Variants in LPP observed in about 807,000 individuals in gnomAD.
LPP encodes LIM domain containing preferred translocation partner in lipoma.
A neutral mutation model predicts 60.4 loss-of-function variants in LPP; 38 were observed. The observed-to-expected ratio is 0.63, with a 90% CI of 0.49 to 0.83. The LOEUF (loss-of-function observed/expected upper bound fraction) is 0.83, where lower values mean the gene tolerates loss of function less well. Among genes scored for constraint, LPP ranks in the 40% least tolerant of loss-of-function variants. The pLI is 0.00. For missense variants in LPP, 902 were observed against 783.6 expected (o/e 1.15, Z -1.80); for synonymous variants, 328 against 290.8 (o/e 1.13, Z -1.30).
intron 4 of LPP, among the ~76,000 whole-genome samples, chr3:188,412,620 G>A (rs1010906581): frequency 3.9e-5 from 6 of 152,106 alleles, no homozygotes; most frequent in African/African-American, 1.2e-4. Context: ...AAATGCTTTC[G>A]TTTATTAAAG....
rs1357901643 is a variant in LPP at position 188,875,892 on chromosome 3, A to G, written c.*1413A>G. The G allele has an allele frequency of 1.1e-5, 2 of 188,116 alleles. No homozygotes were observed. Among genetic ancestry groups the G allele is most frequent in the Non-Finnish European group, 2.2e-5 (2 of 89,098 alleles). 11.7% of individuals were successfully genotyped at this position (188,116 alleles called of 1,614,324 possible). ...ATGGCAAGTTGCCATTTTGTAAACTAAGGATTTTGGACTGAGATTTCTTAA... is the reference window on the plus strand; with the variant it reads ...ATGGCAAGTTGCCATTTTGTAAACTGAGGATTTTGGACTGAGATTTCTTAA... On this transcript the variant is annotated 3_prime_UTR_variant, in exon 12 of 12. Transcript: ENST00000617246.
chr3:188,527,280 G>A (rs1048194706), intron 6 of LPP, among the ~76,000 whole-genome samples: 3 of 150,074 alleles, frequency 2.0e-5, no homozygotes, highest in Admixed American at 1.3e-4. Context: ...AACCCGGGAG[G>A]CGGAGGTTTC....
chr3:188,306,885 C>G (rs779072402), intron 2 of LPP, among the ~76,000 whole-genome samples: 5 of 152,202 alleles, frequency 3.3e-5, no homozygotes, highest in Non-Finnish European at 7.3e-5. Flanking sequence ...ATGCAACTTA[C>G]AATCTTACTC....
rs1027277888 is a variant in LPP at position 188,886,041 on chromosome 3, T to A, written c.*11562T>A. 2 of 151,874 alleles carry A rather than the reference T, an allele frequency of 1.3e-5. No individual in the cohort carries two copies. The highest frequency in any genetic ancestry group is 4.8e-5 in the African/African-American group (2 of 41,336). 9.4% of individuals were successfully genotyped at this position (151,874 alleles called of 1,614,324 possible). A position where few individuals can be genotyped will look rare whatever the true frequency, so the allele number is the denominator to read the frequency against. Reference sequence around the variant, plus strand: ...TTGGAAATCATCATTCTCAGTAAACTATCTCAAGGACAAAAAACCAAACAC... The same window carrying A: ...TTGGAAATCATCATTCTCAGTAAACAATCTCAAGGACAAAAAACCAAACAC... On this transcript the variant is annotated 3_prime_UTR_variant, in exon 12 of 12. Transcript: ENST00000617246.
intron 4 of LPP, among the ~76,000 whole-genome samples, chr3:188,451,466 T>A (rs1452969827): frequency 1.3e-5 from 2 of 152,194 alleles, no homozygotes; most frequent in Non-Finnish European, 2.9e-5. Context: ...TCCTTCACAT[T>A]TTTCAATATT....
intron 2 of LPP, among the ~76,000 whole-genome samples, chr3:188,251,119 C>A (rs888937654): frequency 6.9e-6 from 1 of 144,408 alleles, no homozygotes; most frequent in Non-Finnish European, 1.5e-5. Context: ...CTCTATTTTC[C>A]TCTTTCTTTC....
chr3:188,696,239 C>G (rs977410362), intron 7 of LPP, among the ~76,000 whole-genome samples: 6 of 152,134 alleles, frequency 3.9e-5, no homozygotes, highest in Non-Finnish European at 5.9e-5. Flanking sequence ...CTCTCTCTCT[C>G]TCTGTCTCTC....
Position 188,182,763 on chromosome 3 carries a change from T to TATGTGCATATATATACATATATGTACA in LPP, c.-190+28511_-190+28512insATGTGCATATATATACATATATGTACA, listed in dbSNP as rs1226119083. On this transcript the variant is annotated intron_variant, in intron 1 of 11. Coordinates refer to ENST00000617246, the MANE Select transcript of LPP (RefSeq NM_001375462.1). This position sits in a 1 kb window ranked among gnomAD's most constrained non-coding sequence, Gnocchi z 4.4. ...ATATATATACATATATGTACATATATTATATATGTGCATATATAATATATG... is the reference window on the plus strand; with the variant it reads ...ATATATATACATATATGTACATATATATGTGCATATATATACATATATGTACATATATATGTGCATATATAATATATG... Among the ~76,000 whole-genome samples the TATGTGCATATATATACATATATGTACA allele has an allele frequency of 7.1e-6, 1 of 139,888 alleles. No individual in the cohort carries two copies. The highest frequency in any genetic ancestry group is 2.6e-4 in the East Asian group (1 of 3,814). The allele number at this position is 139,888 out of a possible 152,430, so 91.8% of individuals were successfully genotyped here. A position where few individuals can be genotyped will look rare whatever the true frequency, so the allele number is the denominator to read the frequency against.
intron 4 of LPP, among the ~76,000 whole-genome samples, chr3:188,474,479 T>C (rs1802676120): frequency 6.6e-6 from 1 of 151,892 alleles, no homozygotes; most frequent in Non-Finnish European, 1.5e-5. Context: ...AAATGCCCTA[T>C]TTAAAGTGTT....
At chr3:188,765,910 G>A (rs776973541) in intron 9 of LPP, among the ~76,000 whole-genome samples, 19 of 119,080 alleles carry the variant, frequency 1.6e-4, no homozygotes, top group South Asian at 1.1e-3. Context: ...TCTCTCTGTC[G>A]CCCAGGCTGG....
intron 1 of LPP, among the ~76,000 whole-genome samples, chr3:188,166,764 C>T (rs1198669239): frequency 1.3e-5 from 2 of 152,158 alleles, no homozygotes; most frequent in Non-Finnish European, 2.9e-5. Flanking sequence ...ACAGCATCTG[C>T]TGCAAATCCT....
chr3:188,226,096 C>T (rs370468073), intron 2 of LPP, among the ~76,000 whole-genome samples: 104 of 152,252 alleles, frequency 6.8e-4, no homozygotes, highest in African/African-American at 2.5e-3. Flanking sequence ...GCAACCTCCA[C>T]CTCCCAGGTT....
chr3:188,205,277 C>CTTTTTTTT (rs34713244), intron 1 of LPP, among the ~76,000 whole-genome samples: 1 of 103,418 alleles, frequency 9.7e-6, no homozygotes, highest in Admixed American at 1.1e-4. Flanking sequence ...AGATTATAAT[C>CTTTTTTTT]TTTTTTTTTT....
At chr3:188,254,959 A>G (rs74397487) in intron 2 of LPP, among the ~76,000 whole-genome samples, 1,841 of 152,262 alleles carry the variant, frequency 0.012, 28 homozygotes, top group African/African-American at 0.042. Flanking sequence ...GATAAATTCT[A>G]CACCCTGACT....
chr3:188,858,137 G>T (rs182928988), intron 9 of LPP, among the ~76,000 whole-genome samples: 1 of 152,176 alleles, frequency 6.6e-6, no homozygotes, highest in East Asian at 1.9e-4. Context: ...CTATAATATG[G>T]CAGACCTTCT....
chr3:188,816,933 T>G (rs1183408991), intron 9 of LPP, among the ~76,000 whole-genome samples: 1 of 152,252 alleles, frequency 6.6e-6, no homozygotes, highest in Non-Finnish European at 1.5e-5. Flanking sequence ...TCTTCATTGG[T>G]AAAGAAAAGC....
In LPP at chr3:188,878,913, T is replaced by G; in HGVS notation, c.*4434T>G. 1 of 224,912 alleles carries G rather than the reference T, an allele frequency of 4.4e-6. No individual in the cohort carries two copies. The highest frequency in any genetic ancestry group is 8.9e-6 in the Non-Finnish European group (1 of 112,890). 13.9% of individuals were successfully genotyped at this position (224,912 alleles called of 1,614,324 possible). A position where few individuals can be genotyped will look rare whatever the true frequency, so the allele number is the denominator to read the frequency against. ...ATTTTTATGCCAGAAGGTGATATAA[T>G]GGATGTTAGTGTTTTTTATTTGATT... On this transcript the variant is annotated 3_prime_UTR_variant, in exon 12 of 12. Coordinates refer to ENST00000617246, the MANE Select transcript of LPP (RefSeq NM_001375462.1).
chr3:188,368,696 A>ACT (rs1771992605), intron 3 of LPP, among the ~76,000 whole-genome samples: 1 of 117,412 alleles, frequency 8.5e-6, no homozygotes, highest in Non-Finnish European at 1.8e-5. Context: ...ACACACACAC[A>ACT]CACACACACA....
chr3:188,829,803 G>C (rs1756645582), intron 9 of LPP, among the ~76,000 whole-genome samples: 1 of 152,086 alleles, frequency 6.6e-6, no homozygotes, highest in Non-Finnish European at 1.5e-5. Flanking sequence ...ATAGTGCCTT[G>C]AAGCCTCAGG....
Sources: allele counts gnomAD v4.1 joint callset (sites outside exome capture counted in the v4.1 genomes callset), GRCh38; gene constraint gnomAD v4.1.1; non-coding constraint Gnocchi (gnomAD v3.1); transcripts MANE v1.5; gene names NCBI Gene and HGNC (gene_info 2026-07-23, HGNC 2026-07-21).